The following FSIP1 variants were observed in gnomAD, a reference collection of about 807,000 sequenced individuals.
FSIP1 encodes the protein fibrous sheath-interacting protein 1.
Under a neutral mutation model 60.9 loss-of-function variants are expected in FSIP1, and 65 were observed. The ratio of observed to expected loss-of-function variants is 1.07; its 90% CI spans 0.87 to 1.31. The LOEUF (loss-of-function observed/expected upper bound fraction) is 1.31. Ranked by LOEUF, FSIP1 falls within the 40% of genes most tolerant of loss-of-function variation. FSIP1 has a pLI of 0.00. For missense variants in FSIP1, 675 were observed against 665.5 expected (o/e 1.01, Z -0.16); for synonymous variants, 209 against 221.2 (o/e 0.94, Z 0.49).
At chr15:39,710,062 G>T (rs1445896222) in intron 10 of FSIP1, among the ~76,000 whole-genome samples, 1 of 152,154 alleles carries the variant, frequency 6.6e-6, no homozygotes, top group African/African-American at 2.4e-5. Context: ...CATCTATGAG[G>T]TACAGTGCGT....
intron 5 of FSIP1, among the ~76,000 whole-genome samples, chr15:39,748,569 A>C (rs192927111): frequency 6.6e-6 from 1 of 152,124 alleles, no homozygotes; most frequent in Non-Finnish European, 1.5e-5. Context: ...GCACATCCTT[A>C]TGACAACCAA....
At chr15:39,601,285 T>C (rs1388448353) in intron 11 of FSIP1, among the ~76,000 whole-genome samples, 1 of 152,226 alleles carries the variant, frequency 6.6e-6, no homozygotes, top group African/African-American at 2.4e-5. Flanking sequence ...AGATAAGAGC[T>C]GATCGCCTTT....
intron 10 of FSIP1, 34 bp from the exon 11 acceptor site, chr15:39,618,279 T>C (rs771528199): frequency 2.6e-6 from 4 of 1,544,320 alleles, no homozygotes; most frequent in Admixed American, 1.9e-5. Flanking sequence ...ACATAGTCAG[T>C]TGACTGAGTA....
chr15:39,697,665 G>C (rs1595627132), intron 10 of FSIP1, among the ~76,000 whole-genome samples: 2 of 152,250 alleles, frequency 1.3e-5, no homozygotes, highest in Admixed American at 1.3e-4. Flanking sequence ...AAACAAGAAA[G>C]TTTCCATCAT....
intron 10 of FSIP1, 130 bp downstream of exon 10, chr15:39,713,313 TC>T: frequency 2.8e-6 from 2 of 708,284 alleles, no homozygotes; most frequent in Admixed American, 3.0e-5. Flanking sequence ...ACACCTGTAA[TC>T]CTAGCACTTT....
intron 10 of FSIP1, among the ~76,000 whole-genome samples, chr15:39,637,222 T>C (rs1249880257): frequency 6.6e-6 from 1 of 152,238 alleles, no homozygotes; most frequent in Non-Finnish European, 1.5e-5. Flanking sequence ...GAACCATTCC[T>C]GGTTTCAAAC....
chr15:39,598,799 A>G (rs1045555736), downstream of FSIP1: 9 of 152,024 alleles, frequency 5.9e-5, no homozygotes, highest in Non-Finnish European at 1.3e-4. Flanking sequence ...AAGAATGTAC[A>G]TACAATAAAG....
intron 11 of FSIP1, among the ~76,000 whole-genome samples, chr15:39,613,652 GA>G (rs57218875): frequency 3.3e-5 from 5 of 151,344 alleles, no homozygotes; most frequent in South Asian, 2.1e-4. Context: ...AATACCACAA[GA>G]AAAAAAAATT....
intron 10 of FSIP1, among the ~76,000 whole-genome samples, chr15:39,667,557 C>A (rs558714538): frequency 2.6e-5 from 4 of 152,324 alleles, no homozygotes; most frequent in African/African-American, 9.6e-5. Context: ...TAAGCCGAAA[C>A]AGACCCAGTC....
At chr15:39,685,095 A>G (rs1894312187) in intron 10 of FSIP1, among the ~76,000 whole-genome samples, 1 of 152,226 alleles carries the variant, frequency 6.6e-6, no homozygotes, top group Non-Finnish European at 1.5e-5. Flanking sequence ...TATGCAGCAC[A>G]TACTTTAAAA....
intron 1 of FSIP1, among the ~76,000 whole-genome samples, chr15:39,782,245 T>C (rs1252409892): frequency 1.3e-5 from 2 of 152,262 alleles, no homozygotes; most frequent in Non-Finnish European, 2.9e-5. Flanking sequence ...ACGAGAAAAG[T>C]TGAGTCTCTA....
chr15:39,603,299 C>T (rs1342585422), intron 11 of FSIP1, among the ~76,000 whole-genome samples: 3 of 152,164 alleles, frequency 2.0e-5, no homozygotes, highest in Non-Finnish European at 4.4e-5. Context: ...ATCACCCAGA[C>T]CCTGATCTCA....
At chr15:39,661,160 T>A (rs1268989128) in intron 10 of FSIP1, among the ~76,000 whole-genome samples, 2 of 152,242 alleles carry the variant, frequency 1.3e-5, no homozygotes, top group Non-Finnish European at 2.9e-5. Context: ...CACACTAGAT[T>A]GTTGGTATGC....
chr15:39,779,476 A>T (rs1898175970), intron 1 of FSIP1, among the ~76,000 whole-genome samples: 1 of 152,180 alleles, frequency 6.6e-6, no homozygotes, highest in African/African-American at 2.4e-5. Flanking sequence ...GAATGTACTA[A>T]AAGGTATTTG....
intron 10 of FSIP1, among the ~76,000 whole-genome samples, chr15:39,630,623 G>A (rs1252131670): frequency 6.6e-6 from 1 of 152,122 alleles, no homozygotes; most frequent in Non-Finnish European, 1.5e-5. Flanking sequence ...ACCTAGTGGG[G>A]AAAATTGGAA....
In FSIP1 at chr15:39,628,773, G is replaced by C. The variant is rs576948627; in HGVS notation, c.1189-10528C>G. On this transcript the variant is annotated intron_variant, in intron 10 of 11. Transcript: ENST00000350221. ...TAGATTCCGGCTCTCTCATTCCCCA[G>C]CTGTTTGGTATTGGGCAAATCACTT... Among the ~76,000 whole-genome samples the C allele has an allele frequency of 6.6e-5, 10 of 152,272 alleles. No homozygotes were observed. In the South Asian group the frequency reaches 1.9e-3, roughly 28 times the overall value.
At chr15:39,780,010 T>C (rs572367109) in intron 1 of FSIP1, among the ~76,000 whole-genome samples, 1 of 152,314 alleles carries the variant, frequency 6.6e-6, no homozygotes, top group East Asian at 1.9e-4. Flanking sequence ...CTGTAAGGAA[T>C]ACTTGCCCAT....
chr15:39,717,285 T>C lies in FSIP1; in HGVS notation c.1051-3704A>G, dbSNP rs145910397. Among the ~76,000 whole-genome samples the C allele has an allele frequency of 1.0e-3, 157 of 152,188 alleles. 1 individual carries two copies. In the East Asian group the frequency reaches 0.021, roughly 21 times the overall value. On this transcript the variant is annotated intron_variant, in intron 9 of 11. Coordinates refer to ENST00000350221, the MANE Select transcript of FSIP1 (RefSeq NM_152597.5). ...TCCATCAATAGAGTATGATAAACTA[T>C]GGTGAGCACCTGCCACAGCTGGGAC...
At chr15:39,715,880 C>T (rs761007848) in intron 9 of FSIP1, among the ~76,000 whole-genome samples, 2 of 152,164 alleles carry the variant, frequency 1.3e-5, no homozygotes, top group African/African-American at 4.8e-5. Flanking sequence ...CTTCCTCTTG[C>T]TCTGGCCATG....
Sources: gnomAD v4.1 joint callset for allele counts (sites outside exome capture counted in the v4.1 genomes callset) on GRCh38, gnomAD v4.1.1 for gene constraint, MANE v1.5 for transcripts, NCBI Gene and HGNC (gene_info 2026-07-23, HGNC 2026-07-21) for gene names.